STX7: variants seen among roughly 807,000 people sequenced by gnomAD.
STX7 encodes the protein syntaxin-7.
Under a neutral mutation model 39.6 loss-of-function variants are expected in STX7, and 34 were observed. The ratio of observed to expected loss-of-function variants is 0.86; its 90% CI spans 0.65 to 1.14. STX7 has a LOEUF of 1.14. Among genes scored for constraint, STX7 ranks in the 50% most tolerant of loss-of-function variants. The pLI is 0.00. For missense variants in STX7, 284 were observed against 310.4 expected, an observed-to-expected ratio of 0.92 and a Z score of 0.64; for synonymous variants, 119 against 99.1, an observed-to-expected ratio of 1.20 and a Z score of -1.19.
At chr6:132,492,200 A>T (rs1176262755) in intron 2 of STX7, among the ~76,000 whole-genome samples, 1 of 151,468 alleles carries the variant, frequency 6.6e-6, no homozygotes, top group East Asian at 2.0e-4. Context: ...CCCCATCTAA[A>T]ATACTCTTTC....
At chr6:132,472,762 AT>A (rs1774764059) in intron 3 of STX7, among the ~76,000 whole-genome samples, 1 of 151,952 alleles carries the variant, frequency 6.6e-6, no homozygotes, top group Admixed American at 6.6e-5. Context: ...GCAAGAAAAG[AT>A]TTGTTACCTT....
Position 132,472,358 on chromosome 6 carries a change from T to C in STX7, c.173A>G (p.Tyr58Cys). ...LRQQLQQKQQ[Y>C]TNQLAKETDK... The stretch of plus-strand genomic sequence containing the variant: ...TGTTTCTTTGGCAAGCTGGTTAGTA[T>C]ACTGCTGCTTCTGTTGCCTAAAGTG... Residue 58 changes from tyrosine to cysteine, a missense_variant, in exon 4 of 10, where the codon TAT becomes TGT. Tyr to Cys is a radical substitution (Grantham distance 194, BLOSUM62 -2). Transcript: ENST00000367941. 1.9e-6 allele frequency: 3 copies of C among 1,612,324 alleles called. No individual in the cohort carries two copies. Among genetic ancestry groups the C allele is most frequent in the East Asian group, 2.2e-5 (1 of 44,808 alleles).
At chr6:132,506,840 A>G (rs1439083205) in intron 1 of STX7, among the ~76,000 whole-genome samples, 1 of 152,212 alleles carries the variant, frequency 6.6e-6, no homozygotes, top group East Asian at 1.9e-4. Context: ...ATCTGCACTC[A>G]TATGTCTATT....
At chr6:132,512,468 A>T (rs1042823153) in intron 1 of STX7, among the ~76,000 whole-genome samples, 1 of 152,260 alleles carries the variant, frequency 6.6e-6, no homozygotes, top group Non-Finnish European at 1.5e-5. Context: ...AAAGTATGTT[A>T]AAGTCATCAA....
In STX7 at chr6:132,472,383, G is replaced by T; in HGVS notation, c.156-8C>A. The T allele has an allele frequency of 6.2e-7, 1 of 1,602,372 alleles. No homozygotes were observed. Among genetic ancestry groups the T allele is most frequent in the South Asian group, 1.1e-5 (1 of 89,386 alleles). ...TACTGCTGCTTCTGTTGCCTAAAGT[G>T]AGAAAACACGCATTACAGCCAAAGG... On this transcript the variant is annotated splice_region_variant and splice_polypyrimidine_tract_variant and intron_variant, in intron 3 of 9. Coordinates refer to ENST00000367941, the MANE Select transcript of STX7 (RefSeq NM_003569.3).
rs897006743 is a variant in STX7, at chr6:132,448,191, T to C, written c.*12567A>G. On this transcript the variant is annotated 3_prime_UTR_variant, in exon 10 of 10. Transcript: ENST00000367941. ...CCCCACATATACATTTCCTGAGTTA[T>C]GTAAAATGTTGCTAGTATTTTAATT... The C allele has an allele frequency of 6.6e-6, 1 of 152,226 alleles. No individual in the cohort carries two copies. Among genetic ancestry groups the C allele is most frequent in the Admixed American group, 6.5e-5 (1 of 15,286 alleles). The allele number at this position is 152,226 out of a possible 1,614,324, so 9.4% of individuals were successfully genotyped here. A position where few individuals can be genotyped will look rare whatever the true frequency, so the allele number is the denominator to read the frequency against.
At chr6:132,485,781 T>C (rs62424914) in intron 2 of STX7, among the ~76,000 whole-genome samples, 5,243 of 152,294 alleles carry the variant, frequency 0.034, 135 homozygotes, top group South Asian at 0.086. Context: ...TTTTATGTCC[T>C]ATTTGTCATC....
intron 2 of STX7, among the ~76,000 whole-genome samples, chr6:132,482,157 C>A (rs1054373569): frequency 6.6e-6 from 1 of 152,132 alleles, no homozygotes; most frequent in Non-Finnish European, 1.5e-5. Context: ...CTAAAACATA[C>A]AGCATAAATA....
At position 132,450,641 on chromosome 6, in the gene STX7, C is replaced by T. The variant is rs1774118700; in HGVS notation, c.*10117G>A. 1 of 152,004 alleles carries T rather than the reference C, an allele frequency of 6.6e-6. No individual in the cohort carries two copies. Among genetic ancestry groups the T allele is most frequent in the African/African-American group, 2.4e-5 (1 of 41,392 alleles). 9.4% of individuals were successfully genotyped at this position (152,004 alleles called of 1,614,324 possible). A position where few individuals can be genotyped will look rare whatever the true frequency, so the allele number is the denominator to read the frequency against. ...GAAAAATGCAGGAATCAATATGAAACACTTAATTGATAGGCTCAATAGCAG... is the reference window on the plus strand; with the variant it reads ...GAAAAATGCAGGAATCAATATGAAATACTTAATTGATAGGCTCAATAGCAG... On this transcript the variant is annotated 3_prime_UTR_variant, in exon 10 of 10. Coordinates refer to ENST00000367941, the MANE Select transcript of STX7 (RefSeq NM_003569.3).
At chr6:132,468,190 T>C (rs139847554) in intron 8 of STX7, among the ~76,000 whole-genome samples, 3 of 152,182 alleles carry the variant, frequency 2.0e-5, no homozygotes, top group African/African-American at 7.2e-5. Context: ...CTGAAATAAA[T>C]GAAGCTGGTT....
intron 8 of STX7, among the ~76,000 whole-genome samples, chr6:132,466,475 C>A (rs1582648238): frequency 6.6e-6 from 1 of 152,132 alleles, no homozygotes; most frequent in South Asian, 2.1e-4. Context: ...TATTCAGCTA[C>A]CCCTTCACTG....
chr6:132,489,987 T>C (rs1285281954), intron 2 of STX7, among the ~76,000 whole-genome samples: 2 of 152,252 alleles, frequency 1.3e-5, no homozygotes, highest in Non-Finnish European at 2.9e-5. Flanking sequence ...GACTTCTAGA[T>C]GGCTGGAACA....
chr6:132,463,081 G>C (rs1055254387), intron 9 of STX7, among the ~76,000 whole-genome samples: 4 of 151,860 alleles, frequency 2.6e-5, no homozygotes, highest in Non-Finnish European at 5.9e-5. Context: ...AATTAGCCAG[G>C]CGTGGGGGTA....
chr6:132,492,921 A>G (rs531974581), intron 2 of STX7, among the ~76,000 whole-genome samples: 1 of 152,216 alleles, frequency 6.6e-6, no homozygotes, highest in East Asian at 1.9e-4. Flanking sequence ...ACCCTGCCCC[A>G]CTCTCCTCCC....
chr6:132,499,642 C>T (rs540724455), intron 2 of STX7, among the ~76,000 whole-genome samples: 7 of 152,176 alleles, frequency 4.6e-5, no homozygotes, highest in Admixed American at 4.6e-4. Context: ...TTTATCTTAC[C>T]TCACAGGTCA....
chr6:132,465,351 T>C (rs1205794920), intron 8 of STX7, among the ~76,000 whole-genome samples: 1 of 152,168 alleles, frequency 6.6e-6, no homozygotes, highest in African/African-American at 2.4e-5. Context: ...CTTTCATTGA[T>C]CCTACCACTT....
intron 5 of STX7, among the ~76,000 whole-genome samples, chr6:132,471,064 T>C (rs897872498): frequency 4.6e-5 from 7 of 152,206 alleles, no homozygotes; most frequent in Admixed American, 6.5e-5. Context: ...TCAATATTGA[T>C]ACAACATACT....
At position 132,460,661 on chromosome 6, in the gene STX7, T is replaced by A. The variant is rs1011250037; in HGVS notation, c.*97A>T. The A allele has an allele frequency of 2.0e-6, 2 of 994,958 alleles. No individual in the cohort carries two copies. The highest frequency in any genetic ancestry group is 3.3e-5 in the African/African-American group (2 of 60,126). The allele number at this position is 994,958 out of a possible 1,614,324, so 61.6% of individuals were successfully genotyped here. On this transcript the variant is annotated 3_prime_UTR_variant, in exon 10 of 10. Coordinates refer to ENST00000367941, the MANE Select transcript of STX7 (RefSeq NM_003569.3). ...AACAAAGTATGGGAACCATCCTTTA[T>A]ACAATAGCTTTAAAATAATAATTAA...
Position 132,475,581 on chromosome 6 carries a change from C to G in STX7, c.155+12G>C. ...TTTTCTTTCTCTTTTATTTATTTAA[C>G]TAGATACTTACAACTGTTGCCTCAA... On this transcript the variant is annotated intron_variant, in intron 3 of 9. Transcript: ENST00000367941. 2 of 1,572,736 alleles carry G rather than the reference C, an allele frequency of 1.3e-6. No individual in the cohort carries two copies. The highest frequency in any genetic ancestry group is 1.7e-6 in the Non-Finnish European group (2 of 1,154,350).
Sources: gnomAD v4.1 joint callset for allele counts (sites outside exome capture counted in the v4.1 genomes callset) on GRCh38, gnomAD v4.1.1 for gene constraint, MANE v1.5 for transcripts, NCBI Gene and HGNC (gene_info 2026-07-23, HGNC 2026-07-21) for gene names.